Variants in CSMD1 observed in about 807,000 individuals in gnomAD.
CSMD1 encodes the protein CUB and Sushi multiple domains 1, also known as CUB and sushi domain-containing protein 1.
Under a neutral mutation model 417.5 loss-of-function variants are expected in CSMD1, and 213 were observed. The observed-to-expected ratio is 0.51, with a 90% CI of 0.46 to 0.57. CSMD1 has a LOEUF of 0.57. Among genes scored for constraint, CSMD1 ranks in the 20% least tolerant of loss-of-function variants. CSMD1 has a pLI of 0.00. For synonymous variants in CSMD1, 2,862 were observed against 1,736.8 expected (o/e 1.65, Z -16.11); for missense variants, 6,923 against 4,529.7 (o/e 1.53, Z -15.17).
At chr8:3,198,478 T>C (rs1213057493) in intron 33 of CSMD1, among the ~76,000 whole-genome samples, 1 of 152,238 alleles carries the variant, frequency 6.6e-6, no homozygotes, top group African/African-American at 2.4e-5. Flanking sequence ...TGGGTAATTA[T>C]TTACATTTTA....
intron 10 of CSMD1, among the ~76,000 whole-genome samples, chr8:3,498,989 A>G (rs1465685173): frequency 3.3e-5 from 5 of 152,102 alleles, no homozygotes; most frequent in African/African-American, 1.2e-4. Flanking sequence ...GGCATTTTGT[A>G]GCTGTCCTTT....
intron 3 of CSMD1, among the ~76,000 whole-genome samples, chr8:4,124,218 T>A (rs1241605895): frequency 6.6e-6 from 1 of 152,128 alleles, no homozygotes; most frequent in Non-Finnish European, 1.5e-5. Context: ...GCTTCAGGGC[T>A]CCTGGGCAGG....
At chr8:3,749,585 G>C (rs537984526) in intron 6 of CSMD1, among the ~76,000 whole-genome samples, 219 of 152,250 alleles carry the variant, frequency 1.4e-3, no homozygotes, top group Non-Finnish European at 2.6e-3. Context: ...ACCAAGAAAA[G>C]CACCAAGTTA....
At chr8:3,694,165 C>A (rs1324460047) in intron 7 of CSMD1, among the ~76,000 whole-genome samples, 1 of 151,852 alleles carries the variant, frequency 6.6e-6, no homozygotes, top group Non-Finnish European at 1.5e-5. Flanking sequence ...GAGGGGCTCA[C>A]AGATCTCACC....
rs188245110 is a variant in CSMD1 at position 4,471,863 on chromosome 8, C to G, written c.303-51798G>C. On this transcript the variant is annotated intron_variant, in intron 2 of 69. Transcript: ENST00000635120. Reference sequence around the variant, plus strand: ...AAGGAAGGTGTTTTCAATGATTAGGCTACAAAAAATGGTGTTTCCAGTGGG... The same window carrying G: ...AAGGAAGGTGTTTTCAATGATTAGGGTACAAAAAATGGTGTTTCCAGTGGG... 5.9e-5 allele frequency among the ~76,000 whole-genome samples: 9 copies of G among 152,094 alleles called. No individual in the cohort carries two copies. The East Asian group carries it at 1.7e-3, about 29-fold the overall frequency.
chr8:4,513,794 G>C (rs1007754827), intron 2 of CSMD1, among the ~76,000 whole-genome samples: 1 of 152,126 alleles, frequency 6.6e-6, no homozygotes, highest in Admixed American at 6.5e-5. Flanking sequence ...TGTACAGCTG[G>C]GGAATATTAC....
At chr8:4,978,390 A>C (rs974366243) in intron 1 of CSMD1, among the ~76,000 whole-genome samples, 1 of 152,160 alleles carries the variant, frequency 6.6e-6, no homozygotes, top group African/African-American at 2.4e-5. Context: ...AACATTATTA[A>C]GCCCTCTATG....
intron 12 of CSMD1, among the ~76,000 whole-genome samples, chr8:3,413,524 C>G (rs1178698434): frequency 6.6e-6 from 1 of 152,160 alleles, no homozygotes; most frequent in Non-Finnish European, 1.5e-5. Context: ...GGTCCAAACT[C>G]AGTAGGTTTG....
chr8:3,216,996 C>T (rs1208372112), intron 29 of CSMD1, among the ~76,000 whole-genome samples: 2 of 152,336 alleles, frequency 1.3e-5, no homozygotes, highest in East Asian at 3.9e-4. Context: ...CTGCTTGAGG[C>T]TGGATGCAAT....
At chr8:3,282,597 A>C (rs1001775083) in intron 26 of CSMD1, among the ~76,000 whole-genome samples, 1 of 152,102 alleles carries the variant, frequency 6.6e-6, no homozygotes, top group African/African-American at 2.4e-5. Context: ...TTTTTCCCCC[A>C]AGGCAGGATA....
At chr8:4,377,159 G>A (rs1293611527) in intron 3 of CSMD1, among the ~76,000 whole-genome samples, 1 of 152,118 alleles carries the variant, frequency 6.6e-6, no homozygotes, top group Non-Finnish European at 1.5e-5. Context: ...GTTTTAAACA[G>A]TGGGATTATA....
chr8:3,709,126 C>T (rs531102833), intron 6 of CSMD1, among the ~76,000 whole-genome samples: 1 of 149,614 alleles, frequency 6.7e-6, no homozygotes, highest in African/African-American at 2.5e-5. Flanking sequence ...TGTACTACGG[C>T]CTGCATTAAA....
chr8:4,001,048 T>TA (rs1815631444), intron 4 of CSMD1, among the ~76,000 whole-genome samples: 9 of 86,380 alleles, frequency 1.0e-4, no homozygotes, highest in Admixed American at 8.9e-4. Context: ...GAGGGGAAAA[T>TA]AAAAAAAGGA....
At chr8:4,092,710 A>T (rs1398630957) in intron 3 of CSMD1, among the ~76,000 whole-genome samples, 1 of 152,152 alleles carries the variant, frequency 6.6e-6, no homozygotes, top group Non-Finnish European at 1.5e-5. Flanking sequence ...GTGATTTTTG[A>T]AATAATTTTG....
intron 2 of CSMD1, among the ~76,000 whole-genome samples, chr8:4,574,515 C>A (rs1244146074): frequency 6.6e-6 from 1 of 152,166 alleles, no homozygotes; most frequent in Admixed American, 6.5e-5. Context: ...GCAGAAATCA[C>A]CCGCCTTCTG....
intron 2 of CSMD1, among the ~76,000 whole-genome samples, chr8:4,560,880 T>A (rs1437162924): frequency 6.6e-6 from 1 of 152,178 alleles, no homozygotes; most frequent in Non-Finnish European, 1.5e-5. Context: ...CCCACAGTGG[T>A]GTCTCTTCCT....
At position 3,744,160 on chromosome 8, in the gene CSMD1, G is replaced by T. The variant is rs548170976; in HGVS notation, c.931+9770C>A. ...ACTTGTCTCGTCACTTTTCTGGATT[G>T]ACAAGGGCATGGAAGGTCTGGCGGG... is the stretch of plus-strand genomic sequence containing the variant. On this transcript the variant is annotated intron_variant, in intron 6 of 69. Coordinates refer to ENST00000635120, the MANE Select transcript of CSMD1 (RefSeq NM_033225.6). Among the ~76,000 whole-genome samples the T allele has an allele frequency of 2.6e-5, 4 of 152,306 alleles. No homozygotes were observed. The South Asian group carries it at 8.3e-4, about 32-fold the overall frequency.
chr8:4,249,415 A>G (rs1802911419), intron 3 of CSMD1, among the ~76,000 whole-genome samples: 1 of 152,218 alleles, frequency 6.6e-6, no homozygotes, highest in Non-Finnish European at 1.5e-5. Flanking sequence ...GTAAACTAAT[A>G]GTGTTAGTGA....
chr8:3,614,964 C>G (rs1047484354), intron 8 of CSMD1, among the ~76,000 whole-genome samples: 1 of 152,210 alleles, frequency 6.6e-6, no homozygotes, highest in Non-Finnish European at 1.5e-5. Context: ...AAAGACATGA[C>G]TGTTGACACA....
Sources: allele counts gnomAD v4.1 joint callset (sites outside exome capture counted in the v4.1 genomes callset), GRCh38; gene constraint gnomAD v4.1.1; transcripts MANE v1.5; gene names NCBI Gene and HGNC (gene_info 2026-07-23, HGNC 2026-07-21).